Variants in CDYL2 observed in about 807,000 individuals in gnomAD.
CDYL2 encodes the protein chromodomain Y like 2, also known as chromodomain Y-like protein 2.
Under a neutral mutation model 49.4 loss-of-function variants are expected in CDYL2, and 23 were observed. That is an observed-to-expected ratio of 0.47 (90% CI 0.34 to 0.66). The LOEUF (loss-of-function observed/expected upper bound fraction) is 0.66. Among genes scored for constraint, CDYL2 ranks in the 30% least tolerant of loss-of-function variants. The probability of loss-of-function intolerance (pLI) is 0.01; values close to 1 mark genes in which losing one functional copy is unlikely to be tolerated. For missense variants in CDYL2, 678 were observed against 656.4 expected, an observed-to-expected ratio of 1.03 and a Z score of -0.36; for synonymous variants, 360 against 268.8, an observed-to-expected ratio of 1.34 and a Z score of -3.32.
At chr16:80,690,160 A>T (rs1214073952) in intron 1 of CDYL2, among the ~76,000 whole-genome samples, 2 of 151,984 alleles carry the variant, frequency 1.3e-5, no homozygotes, top group African/African-American at 4.8e-5. Flanking sequence ...AGAAATAAAA[A>T]AGGACTCGTA....
chr16:80,633,816 CA>C (rs1196941583), intron 2 of CDYL2, among the ~76,000 whole-genome samples: 1 of 152,204 alleles, frequency 6.6e-6, no homozygotes, highest in Non-Finnish European at 1.5e-5. Context: ...AAATCAATTA[CA>C]ATGGCTTTGC....
intron 1 of CDYL2, among the ~76,000 whole-genome samples, chr16:80,721,685 T>C (rs916753704): frequency 1.6e-4 from 24 of 152,208 alleles, no homozygotes; most frequent in Admixed American, 5.9e-4. Context: ...GTAATCAGGA[T>C]TGAAATCAAG....
chr16:80,606,636 T>C (rs150085695), intron 6 of CDYL2, among the ~76,000 whole-genome samples: 2 of 152,196 alleles, frequency 1.3e-5, no homozygotes, highest in South Asian at 2.1e-4. Flanking sequence ...CCACCCCTGT[T>C]TGCCCACAAC....
rs1906621148 is a variant in CDYL2, at chr16:80,612,048, A to C, written c.1218+578T>G. Among the ~76,000 whole-genome samples the C allele has an allele frequency of 6.6e-6, 1 of 152,218 alleles. No individual in the cohort carries two copies. Among genetic ancestry groups the C allele is most frequent in the Non-Finnish European group, 1.5e-5 (1 of 68,034 alleles). On this transcript the variant is annotated intron_variant, in intron 5 of 6. Coordinates refer to ENST00000570137, the MANE Select transcript of CDYL2 (RefSeq NM_152342.4). This position sits in a 1 kb window ranked among gnomAD's most constrained non-coding sequence, Gnocchi z 5.0. The stretch of plus-strand genomic sequence containing the variant: ...AATCCTTTCCCTCTTCTTGCTGGAC[A>C]TGCGCTGGGCTGCGTCTCCCGGCCT...
intron 3 of CDYL2, among the ~76,000 whole-genome samples, chr16:80,626,404 G>A (rs1233894006): frequency 6.6e-6 from 1 of 151,966 alleles, no homozygotes; most frequent in Non-Finnish European, 1.5e-5. Flanking sequence ...TACAACTGTA[G>A]TAGCAGGCAA....
intron 2 of CDYL2, among the ~76,000 whole-genome samples, chr16:80,650,434 T>G (rs181134004): frequency 7.6e-4 from 115 of 152,240 alleles, no homozygotes; most frequent in African/African-American, 2.6e-3. Flanking sequence ...CCGCATTTTA[T>G]GTAAAATGGC....
chr16:80,721,521 C>T (rs1258569723), intron 1 of CDYL2, among the ~76,000 whole-genome samples: 1 of 152,184 alleles, frequency 6.6e-6, no homozygotes, highest in African/African-American at 2.4e-5. Context: ...GCTTCTTGAG[C>T]TCTGGGTTCT....
intron 3 of CDYL2, 88 bp from the exon 4 acceptor site, chr16:80,621,023 C>A: frequency 7.2e-7 from 1 of 1,392,488 alleles, no homozygotes; most frequent in Non-Finnish European, 9.6e-7. Context: ...AGAGGCCTGA[C>A]CCCCTGAGGG....
At chr16:80,773,299 T>C (rs917598515) in intron 1 of CDYL2, among the ~76,000 whole-genome samples, 1 of 152,092 alleles carries the variant, frequency 6.6e-6, no homozygotes, top group East Asian at 1.9e-4. Flanking sequence ...ATATATAATG[T>C]AAAAATTGGC....
chr16:80,788,757 T>C (rs56890035), intron 1 of CDYL2, among the ~76,000 whole-genome samples: 2,003 of 152,328 alleles, frequency 0.013, 37 homozygotes, highest in African/African-American at 0.044. Flanking sequence ...ACCCATCTCA[T>C]AGAAAGGATT....
chr16:80,667,963 C>A (rs1325578490), intron 2 of CDYL2, among the ~76,000 whole-genome samples: 1 of 152,206 alleles, frequency 6.6e-6, no homozygotes, highest in Non-Finnish European at 1.5e-5. Flanking sequence ...GGCACCCGGG[C>A]AATGCCCAGG....
chr16:80,685,953 G>A (rs538687428), intron 1 of CDYL2, among the ~76,000 whole-genome samples: 1 of 152,162 alleles, frequency 6.6e-6, no homozygotes, highest in Non-Finnish European at 1.5e-5. Context: ...GCAACACAGA[G>A]GCACAGCTAG....
intron 1 of CDYL2, among the ~76,000 whole-genome samples, chr16:80,692,731 A>G (rs894570859): frequency 6.6e-6 from 1 of 152,252 alleles, no homozygotes; most frequent in Non-Finnish European, 1.5e-5. Context: ...CCAAGTTAAG[A>G]TAATGAGTAT....
At chr16:80,646,033 C>A (rs957992516) in intron 2 of CDYL2, among the ~76,000 whole-genome samples, 1 of 149,668 alleles carries the variant, frequency 6.7e-6, no homozygotes, top group African/African-American at 2.5e-5. Flanking sequence ...AGGAGATATA[C>A]CTAATGTAAA....
chr16:80,684,630 T>C lies in CDYL2; in HGVS notation c.524A>G (p.His175Arg), dbSNP rs1274897739. The C allele has an allele frequency of 4.3e-6, 7 of 1,614,118 alleles. No homozygotes were observed. The highest frequency in any genetic ancestry group is 5.9e-6 in the Non-Finnish European group (7 of 1,180,042). Residue 175 changes from histidine (H) to arginine (R), a missense_variant, in exon 2 of 7, where the codon CAT (histidine) becomes CGT (arginine). This residue lies in a region of CDYL2 where 478 missense variants were observed against 427.0 expected (regional missense o/e 1.12). Transcript: ENST00000570137. The stretch of plus-strand genomic sequence containing the variant: ...ATCATTCAAATCCAAGCCAGGCTGA[T>C]GGGACCCATTTCCAAAGTGCCTCTC... The part of the protein sequence containing the change: ...KDERHFGNGS[H>R]QPGLDLNDHV...
At chr16:80,695,793 A>C (rs1368617024) in intron 1 of CDYL2, among the ~76,000 whole-genome samples, 1 of 152,174 alleles carries the variant, frequency 6.6e-6, no homozygotes, top group Non-Finnish European at 1.5e-5. Flanking sequence ...AAAGACCTCA[A>C]TACAATATTA....
At chr16:80,789,622 C>G (rs1029824886) in intron 1 of CDYL2, among the ~76,000 whole-genome samples, 1 of 151,880 alleles carries the variant, frequency 6.6e-6, no homozygotes, top group African/African-American at 2.4e-5. Context: ...ACCTGCACTT[C>G]TATGTTCATC....
chr16:80,774,020 G>A (rs906597413), intron 1 of CDYL2, among the ~76,000 whole-genome samples: 2 of 152,084 alleles, frequency 1.3e-5, no homozygotes, highest in African/African-American at 4.8e-5. Flanking sequence ...TGCTGGCAGC[G>A]TTCTATAAGG....
chr16:80,655,677 G>A (rs571632899), intron 2 of CDYL2, among the ~76,000 whole-genome samples: 4 of 152,242 alleles, frequency 2.6e-5, no homozygotes, highest in East Asian at 3.9e-4. Context: ...TCGCCTCTCC[G>A]ATAAACTTAG....
Sources: allele counts gnomAD v4.1 joint callset (sites outside exome capture counted in the v4.1 genomes callset), GRCh38; gene constraint gnomAD v4.1.1; regional missense constraint gnomAD v4.1.1; non-coding constraint Gnocchi (gnomAD v3.1); transcripts MANE v1.5; gene names NCBI Gene and HGNC (gene_info 2026-07-23, HGNC 2026-07-21).